PRKCE: variants seen among roughly 807,000 people sequenced by gnomAD.
PRKCE encodes protein kinase C epsilon type.
A neutral mutation model predicts 85.4 loss-of-function variants in PRKCE; 16 were observed. That is an observed-to-expected ratio of 0.19 (90% CI 0.13 to 0.28). PRKCE has a LOEUF of 0.28. PRKCE is among the 10% of genes least tolerant of loss of function. The pLI is 1.00. For missense variants in PRKCE, 573 were observed against 975.2 expected, an observed-to-expected ratio of 0.59 and a Z score of 5.49; for synonymous variants, 388 against 371.5, an observed-to-expected ratio of 1.04 and a Z score of -0.51.
chr2:45,917,190 C>G (rs1697861358), intron 2 of PRKCE, among the ~76,000 whole-genome samples: 1 of 152,160 alleles, frequency 6.6e-6, no homozygotes, highest in Non-Finnish European at 1.5e-5. Context: ...GAGCTAGACA[C>G]AAAAGTTTTC....
chr2:45,786,149 T>G lies in PRKCE; in HGVS notation c.349-56851T>G, dbSNP rs757232262. Among the ~76,000 whole-genome samples, 20 of 152,310 alleles carry G rather than the reference T, an allele frequency of 1.3e-4. No homozygotes were observed. The South Asian group carries it at 1.9e-3, about 14-fold the overall frequency. On this transcript the variant is annotated intron_variant, in intron 1 of 14. Transcript: ENST00000306156. This position sits in a 1 kb window ranked among gnomAD's most constrained non-coding sequence, Gnocchi z 5.3. ...TTTATTTGAAATGAGCAATGTATTA[T>G]TAGCAAGGGGCATTGATTGCAGTCT...
At chr2:46,114,133 C>G (rs546717574) in intron 11 of PRKCE, among the ~76,000 whole-genome samples, 74 of 152,216 alleles carry the variant, frequency 4.9e-4, no homozygotes, top group African/African-American at 1.7e-3. Flanking sequence ...GAAGCATATC[C>G]ACAGAAGAAC....
At chr2:45,736,186 C>A (rs1682041635) in intron 1 of PRKCE, among the ~76,000 whole-genome samples, 2 of 152,170 alleles carry the variant, frequency 1.3e-5, no homozygotes, top group African/African-American at 4.8e-5. Flanking sequence ...GTCTTGAACT[C>A]CTGGCTTCAA....
At chr2:45,887,248 A>T (rs1255078493) in intron 2 of PRKCE, among the ~76,000 whole-genome samples, 1 of 152,118 alleles carries the variant, frequency 6.6e-6, no homozygotes, top group Non-Finnish European at 1.5e-5. Flanking sequence ...GCCACAGTCA[A>T]CCGTGCAGAA....
chr2:45,683,705 A>T (rs1322491711), intron 1 of PRKCE, among the ~76,000 whole-genome samples: 4 of 152,214 alleles, frequency 2.6e-5, no homozygotes, highest in Non-Finnish European at 4.4e-5. Context: ...AAGTCATTAG[A>T]GCTGGAACTG....
At position 45,652,298 on chromosome 2, in the gene PRKCE, C is replaced by A; in HGVS notation, c.198C>A (p.His66Gln). The A allele has an allele frequency of 6.2e-7, 1 of 1,613,624 alleles. No individual in the cohort carries two copies. Among genetic ancestry groups the A allele is most frequent in the Non-Finnish European group, 8.5e-7 (1 of 1,180,010 alleles). ...AGAAGACCAACAGCCCGGCCTGGCACGACGAGTTCGTCACCGATGTGTGCA... is the reference window on the plus strand; with the variant it reads ...AGAAGACCAACAGCCCGGCCTGGCAAGACGAGTTCGTCACCGATGTGTGCA... ...TKQKTNSPAW[H>Q]DEFVTDVCNG... The change falls in exon 1 of 15, where the codon CAC (histidine) becomes CAA (glutamine). Residue 66 changes from histidine (H) to glutamine (Q), a missense_variant. This residue lies in a region of PRKCE where 100 missense variants were observed against 177.1 expected (regional missense o/e 0.56). Coordinates refer to ENST00000306156, the MANE Select transcript of PRKCE (RefSeq NM_005400.3). The surrounding 1 kb of genome is among the most constrained non-coding windows in gnomAD (Gnocchi z 7.7).
At chr2:46,120,379 T>C (rs2104322175) in intron 11 of PRKCE, among the ~76,000 whole-genome samples, 1 of 152,228 alleles carries the variant, frequency 6.6e-6, no homozygotes, top group East Asian at 1.9e-4. Context: ...CCAAGGATAC[T>C]GGTAAACATT....
At chr2:46,075,366 A>G (rs1299797675) in intron 10 of PRKCE, among the ~76,000 whole-genome samples, 1 of 152,088 alleles carries the variant, frequency 6.6e-6, no homozygotes, top group East Asian at 1.9e-4. Flanking sequence ...AATATTTCAT[A>G]GGTCCTAAAC....
chr2:46,175,167 AAAGAG>A (rs1161421097), intron 14 of PRKCE, among the ~76,000 whole-genome samples: 12 of 152,246 alleles, frequency 7.9e-5, no homozygotes, highest in African/African-American at 2.9e-4. Context: ...GAAAAGAAAG[AAAGAG>A]AAAACAGCAC....
At chr2:45,661,272 TC>T (rs1242520578) in intron 1 of PRKCE, among the ~76,000 whole-genome samples, 1 of 151,884 alleles carries the variant, frequency 6.6e-6, no homozygotes, top group Non-Finnish European at 1.5e-5. Flanking sequence ...AACCTCTGCC[TC>T]CCGGGTTCAA....
At position 46,016,909 on chromosome 2, in the gene PRKCE, C is replaced by CA. The variant is rs10555423; in HGVS notation, c.1437+6409dup. Among the ~76,000 whole-genome samples, 133 of 118,118 alleles carry CA rather than the reference C, an allele frequency of 1.1e-3. 1 individual carries two copies. The East Asian group carries it at 0.012, about 10-fold the overall frequency. 77.5% of individuals were successfully genotyped at this position (118,118 alleles called of 152,430 possible). ...GGGGCAATAGAGCTAGACTCTGTCT[C>CA]AAAAAAAAAAAAAAAAAGAAAGAAA... is the stretch of plus-strand genomic sequence containing the variant. On this transcript the variant is annotated intron_variant, in intron 10 of 14. Transcript: ENST00000306156.
chr2:46,169,331 G>C (rs1301720057), intron 14 of PRKCE, among the ~76,000 whole-genome samples: 1 of 152,162 alleles, frequency 6.6e-6, no homozygotes, highest in Admixed American at 6.5e-5. Flanking sequence ...ATACACAGTG[G>C]GTTTGTGAAG....
At chr2:46,133,624 T>C (rs181748994) in intron 11 of PRKCE, among the ~76,000 whole-genome samples, 47 of 152,302 alleles carry the variant, frequency 3.1e-4, no homozygotes, top group Admixed American at 9.8e-4. Context: ...ATCATTTCGT[T>C]CTGACATTCA....
chr2:45,690,686 T>C (rs940331441), intron 1 of PRKCE, among the ~76,000 whole-genome samples: 1 of 152,090 alleles, frequency 6.6e-6, no homozygotes, highest in Non-Finnish European at 1.5e-5. Flanking sequence ...GTATATCGTG[T>C]GGGAGCTGGA....
At chr2:46,039,438 A>G (rs1708087896) in intron 10 of PRKCE, among the ~76,000 whole-genome samples, 1 of 152,098 alleles carries the variant, frequency 6.6e-6, no homozygotes, top group Admixed American at 6.5e-5. Context: ...CCAAAACATT[A>G]TTGCTCAATG....
intron 2 of PRKCE, among the ~76,000 whole-genome samples, chr2:45,879,602 C>T (rs1332236530): frequency 6.6e-6 from 1 of 152,216 alleles, no homozygotes; most frequent in Non-Finnish European, 1.5e-5. Flanking sequence ...TGCCACAGGG[C>T]CCGAGTGGAG....
chr2:45,930,440 C>G (rs1026952065), intron 2 of PRKCE, among the ~76,000 whole-genome samples: 2 of 152,194 alleles, frequency 1.3e-5, no homozygotes, highest in African/African-American at 4.8e-5. Flanking sequence ...ATAAATCTTA[C>G]AAACATAAGG....
chr2:46,096,643 C>G (rs67483019), intron 11 of PRKCE, among the ~76,000 whole-genome samples: 21,577 of 152,160 alleles, frequency 0.14, 1,638 homozygotes, highest in Middle Eastern at 0.23. Flanking sequence ...AAGAAACCAA[C>G]CCTGCCAGCA....
intron 11 of PRKCE, among the ~76,000 whole-genome samples, chr2:46,099,033 T>C (rs562665578): frequency 1.3e-5 from 2 of 152,278 alleles, no homozygotes; most frequent in East Asian, 3.9e-4. Flanking sequence ...AAGCTAAGGA[T>C]TCATACTGCT....
Sources: allele counts gnomAD v4.1 joint callset (sites outside exome capture counted in the v4.1 genomes callset), GRCh38; gene constraint gnomAD v4.1.1; regional missense constraint gnomAD v4.1.1; non-coding constraint Gnocchi (gnomAD v3.1); transcripts MANE v1.5; gene names NCBI Gene and HGNC (gene_info 2026-07-23, HGNC 2026-07-21).